Variants in AFF4 observed in about 807,000 individuals in gnomAD.
AFF4 encodes ALF transcription elongation factor 4.
In AFF4, 13 loss-of-function variants were observed where a neutral mutation model predicts 124.8. That is an observed-to-expected ratio of 0.10 (90% CI 0.07 to 0.17). The LOEUF (loss-of-function observed/expected upper bound fraction) is 0.17, where lower values mean the gene tolerates loss of function less well. AFF4 is among the 10% of genes least tolerant of loss of function. The pLI is 1.00. For missense variants in AFF4, 1,092 were observed against 1,403.8 expected (o/e 0.78, Z 3.55); for synonymous variants, 477 against 496.1 (o/e 0.96, Z 0.51).
At chr5:132,917,446 A>G (rs1760937926) in intron 5 of AFF4, among the ~76,000 whole-genome samples, 1 of 152,132 alleles carries the variant, frequency 6.6e-6, no homozygotes, top group African/African-American at 2.4e-5. Context: ...TTTCTCCTCT[A>G]TGATAAAAAA....
intron 12 of AFF4, among the ~76,000 whole-genome samples, 174 bp from the exon 13 acceptor site, chr5:132,892,578 TTC>T (rs1004545539): frequency 7.2e-5 from 11 of 152,232 alleles, no homozygotes; most frequent in Non-Finnish European, 1.3e-4. Context: ...GGTAGGCATC[TTC>T]TCTGTTTTTA....
At chr5:132,955,027 T>C (rs1236888686) in intron 1 of AFF4, among the ~76,000 whole-genome samples, 1 of 152,108 alleles carries the variant, frequency 6.6e-6, no homozygotes, top group East Asian at 1.9e-4. Flanking sequence ...TATTGAGTGG[T>C]GGAAGTGGCT....
At chr5:132,934,026 T>C (rs1761360755) in intron 3 of AFF4, 121 bp downstream of exon 3, 1 of 1,181,054 alleles carries the variant, frequency 8.5e-7, no homozygotes, top group Non-Finnish European at 1.2e-6. Context: ...TTTTCATCTT[T>C]CAACTTTTAC....
rs138271305 is a variant in AFF4, at chr5:132,891,023, A to G, written c.2637+1141T>C. 1.9e-3 allele frequency among the ~76,000 whole-genome samples: 288 copies of G among 151,640 alleles called. 1 individual carries two copies. Among genetic ancestry groups the G allele is most frequent in the African/African-American group, 6.4e-3 (264 of 41,506 alleles). ...AAATAAATTAATTAATAAATTAATTAATTAAATTAAATAATAATTTAAAAA... is the reference window on the plus strand; with the variant it reads ...AAATAAATTAATTAATAAATTAATTGATTAAATTAAATAATAATTTAAAAA... On this transcript the variant is annotated intron_variant, in intron 13 of 20. Transcript: ENST00000265343.
At chr5:132,910,190 A>T (rs1476415752) in intron 5 of AFF4, among the ~76,000 whole-genome samples, 1 of 152,234 alleles carries the variant, frequency 6.6e-6, no homozygotes, top group Non-Finnish European at 1.5e-5. Flanking sequence ...TCTAAACAAA[A>T]GGAGTGACTG....
chr5:132,916,341 T>C (rs6868566), intron 5 of AFF4, among the ~76,000 whole-genome samples: 54,607 of 151,100 alleles, frequency 0.36, 10,341 homozygotes, highest in East Asian at 0.59. Flanking sequence ...GACAGGAGGA[T>C]TGCTTTAGCC....
rs374147246 is a variant in AFF4, at chr5:132,904,283, C to T, written c.1087+85G>A. 51 of 1,155,756 alleles carry T rather than the reference C, an allele frequency of 4.4e-5. No homozygotes were observed. The South Asian group carries it at 6.9e-4, about 16-fold the overall frequency. 71.6% of individuals were successfully genotyped at this position (1,155,756 alleles called of 1,614,324 possible). On this transcript the variant is annotated intron_variant, in intron 6 of 20. Coordinates refer to ENST00000265343, the MANE Select transcript of AFF4 (RefSeq NM_014423.4). Reference sequence around the variant, plus strand: ...AAGGATATGACATGTAAAGGTATTACTAAAGTTATATATGGTGTGACCATG... The same window carrying T: ...AAGGATATGACATGTAAAGGTATTATTAAAGTTATATATGGTGTGACCATG...
At position 132,896,533 on chromosome 5, in the gene AFF4, C is replaced by T. The variant is rs1231294337; in HGVS notation, c.2097G>A (p.Lys699=). 1 of 1,614,144 alleles carries T rather than the reference C, an allele frequency of 6.2e-7. No individual in the cohort carries two copies. Among genetic ancestry groups the T allele is most frequent in the Non-Finnish European group, 8.5e-7 (1 of 1,180,042 alleles). The change falls in exon 11 of 21, where the codon AAG becomes AAA. Residue 699 remains lysine, a synonymous_variant. Transcript: ENST00000265343. ...GCTCACTGAGGGGTGAAAGAAGTTC[C>T]TTCTCTTCCATAGGAGAGAACATTC... is the stretch of plus-strand genomic sequence containing the variant. The part of the protein sequence containing the change: ...RQRMFSPMEE[K]ELLSPLSEPD...
intron 4 of AFF4, among the ~76,000 whole-genome samples, chr5:132,930,592 T>C (rs1402034124): frequency 6.6e-6 from 1 of 151,402 alleles, no homozygotes; most frequent in East Asian, 1.9e-4. Context: ...CCAATGCAGG[T>C]AGTCTTTCAA....
chr5:132,896,195 G>A (rs1760387279), intron 11 of AFF4, 128 bp downstream of exon 11: 2 of 1,098,376 alleles, frequency 1.8e-6, no homozygotes, highest in African/African-American at 3.1e-5. Context: ...CCTCGCCTGG[G>A]CCTTGGGTTT....
intron 1 of AFF4, among the ~76,000 whole-genome samples, chr5:132,959,471 A>ATT (rs148743157): frequency 6.6e-6 from 1 of 151,816 alleles, no homozygotes; most frequent in Non-Finnish European, 1.5e-5. Context: ...GGTAGCTAAG[A>ATT]TTTTTTTTCT....
chr5:132,940,793 G>A (rs757440375), intron 1 of AFF4, among the ~76,000 whole-genome samples: 10 of 152,038 alleles, frequency 6.6e-5, no homozygotes, highest in South Asian at 2.1e-4. Context: ...TTGGGAGGCC[G>A]AGGCAGGCGG....
At chr5:132,941,023 T>A (rs572985758) in intron 1 of AFF4, among the ~76,000 whole-genome samples, 3 of 109,108 alleles carry the variant, frequency 2.7e-5, no homozygotes, top group African/African-American at 3.7e-5. Flanking sequence ...CGAAACTACA[T>A]CTCAAAAAAA....
At chr5:132,890,685 C>G (rs147907620) in intron 13 of AFF4, among the ~76,000 whole-genome samples, 39 of 152,142 alleles carry the variant, frequency 2.6e-4, no homozygotes, top group African/African-American at 9.2e-4. Flanking sequence ...TCAAGACTAA[C>G]AAATACTAAC....
intron 18 of AFF4, 126 bp from the exon 19 acceptor site, chr5:132,885,245 A>C: frequency 4.2e-6 from 2 of 478,408 alleles, no homozygotes; most frequent in Non-Finnish European, 6.9e-6. Flanking sequence ...AAGACACCAA[A>C]ATACGTGTGT....
intron 5 of AFF4, among the ~76,000 whole-genome samples, chr5:132,923,397 AG>A (rs1761098449): frequency 6.6e-6 from 1 of 151,136 alleles, no homozygotes; most frequent in Non-Finnish European, 1.5e-5. Flanking sequence ...AGAGAGAGAG[AG>A]AAAGCAAGGA....
intron 1 of AFF4, among the ~76,000 whole-genome samples, chr5:132,939,641 G>A (rs1042176913): frequency 6.6e-6 from 1 of 152,156 alleles, no homozygotes; most frequent in Non-Finnish European, 1.5e-5. Context: ...ACGAAGTCTC[G>A]CTCTTGTCCC....
rs550458183 is a variant in AFF4 at position 132,890,321 on chromosome 5, G to A, written c.2638-1148C>T. 2.5e-4 allele frequency among the ~76,000 whole-genome samples: 38 copies of A among 152,036 alleles called. No individual in the cohort carries two copies. The South Asian group carries it at 7.3e-3, about 29-fold the overall frequency. ...GTCTCACTCTGTCGCCTAGGTTGGAGTGCAGTGGTGCAATCATGGCTCACT... is the reference window on the plus strand; with the variant it reads ...GTCTCACTCTGTCGCCTAGGTTGGAATGCAGTGGTGCAATCATGGCTCACT... On this transcript the variant is annotated intron_variant, in intron 13 of 20. Coordinates refer to ENST00000265343, the MANE Select transcript of AFF4 (RefSeq NM_014423.4).
At chr5:132,906,385 A>C (rs1431584452) in intron 5 of AFF4, among the ~76,000 whole-genome samples, 2 of 152,260 alleles carry the variant, frequency 1.3e-5, no homozygotes, top group Non-Finnish European at 2.9e-5. Context: ...TGAATGTATA[A>C]ACAAAATGTG....
Sources: allele counts gnomAD v4.1 joint callset (sites outside exome capture counted in the v4.1 genomes callset), GRCh38; gene constraint gnomAD v4.1.1; transcripts MANE v1.5; gene names NCBI Gene and HGNC (gene_info 2026-07-23, HGNC 2026-07-21).